Variants in PAK5 observed in about 807,000 individuals in gnomAD.
PAK5 encodes the protein p21 (RAC1) activated kinase 5, also known as serine/threonine-protein kinase PAK 5.
Under a neutral mutation model 65.9 loss-of-function variants are expected in PAK5, and 16 were observed. The observed-to-expected ratio is 0.24, with a 90% CI of 0.16 to 0.37. The LOEUF (loss-of-function observed/expected upper bound fraction) is 0.37, where lower values mean the gene tolerates loss of function less well. Ranked by LOEUF, PAK5 falls within the 10% of genes least tolerant of loss-of-function variation. The probability of loss-of-function intolerance (pLI) is 1.00; values close to 1 mark genes in which losing one functional copy is unlikely to be tolerated. For synonymous variants in PAK5, 371 were observed against 354.9 expected (o/e 1.05, Z -0.51); for missense variants, 785 against 903.9 (o/e 0.87, Z 1.69).
At chr20:9,827,025 T>C (rs1324577772) in intron 1 of PAK5, among the ~76,000 whole-genome samples, 2 of 142,390 alleles carry the variant, frequency 1.4e-5, no homozygotes, top group East Asian at 2.0e-4. Context: ...CTCTACCTTA[T>C]ACCCATGTCC....
chr20:9,818,235 G>A (rs1019671135), intron 1 of PAK5, among the ~76,000 whole-genome samples: 1 of 152,032 alleles, frequency 6.6e-6, no homozygotes, highest in Non-Finnish European at 1.5e-5. Flanking sequence ...TGATCATGCT[G>A]GACTGTCTTA....
rs530216866 is a variant in PAK5, at chr20:9,769,880, A to G, written c.-161-58445T>C. Among the ~76,000 whole-genome samples the G allele has an allele frequency of 1.8e-4, 27 of 152,360 alleles. No homozygotes were observed. The Middle Eastern group carries it at 0.014, about 77-fold the overall frequency. ...TATTTATAGAGAAAGGAGCTCTTTA[A>G]AAACTAAATATGGTACAAAGAAATT... On this transcript the variant is annotated intron_variant, in intron 1 of 9. Transcript: ENST00000353224.
intron 1 of PAK5, among the ~76,000 whole-genome samples, chr20:9,722,794 C>T (rs982077910): frequency 4.2e-4 from 63 of 150,966 alleles, no homozygotes; most frequent in Admixed American, 5.3e-4. Context: ...TGGAGTGCAG[C>T]GGCGCCATCT....
chr20:9,724,907 T>A (rs1010301908), intron 1 of PAK5, among the ~76,000 whole-genome samples: 6 of 152,184 alleles, frequency 3.9e-5, no homozygotes, highest in Admixed American at 1.3e-4. Context: ...ATAACTGGAT[T>A]GTTCGAAACA....
chr20:9,581,135 T>C (rs1603229128), intron 3 of PAK5, among the ~76,000 whole-genome samples: 1 of 152,172 alleles, frequency 6.6e-6, no homozygotes, highest in African/African-American at 2.4e-5. Context: ...ATTGCATTTT[T>C]CTTCTTACCT....
intron 3 of PAK5, among the ~76,000 whole-genome samples, chr20:9,635,936 G>C (rs543206930): frequency 2.0e-5 from 3 of 152,138 alleles, no homozygotes; most frequent in Non-Finnish European, 4.4e-5. Context: ...ACTCAGCTAG[G>C]AGCATGGCAA....
rs111520029 is a variant in PAK5 at position 9,636,889 on chromosome 20, T to C, written c.204+7236A>G. Among the ~76,000 whole-genome samples, 1,505 of 152,314 alleles carry C rather than the reference T, an allele frequency of 9.9e-3. 23 individuals are homozygous for C. The highest frequency in any genetic ancestry group is 0.034 in the African/African-American group (1,407 of 41,566). ...ACATTTAATATAAGTTCCAAGATAG[T>C]GGTTCTCAAACTTTTTGTCTCAGGA... On this transcript the variant is annotated intron_variant, in intron 3 of 9. Transcript: ENST00000353224.
intron 1 of PAK5, among the ~76,000 whole-genome samples, chr20:9,725,324 G>A (rs2123533723): frequency 7.6e-6 from 1 of 132,012 alleles, no homozygotes. Flanking sequence ...ATGTTTTGAA[G>A]GTTATTATTA....
intron 1 of PAK5, among the ~76,000 whole-genome samples, chr20:9,801,302 T>C (rs2049165747): frequency 6.6e-6 from 1 of 152,066 alleles, no homozygotes; most frequent in African/African-American, 2.4e-5. Context: ...CACACACAGC[T>C]AATTCCTTCA....
chr20:9,732,763 T>C (rs1260670219), intron 1 of PAK5, among the ~76,000 whole-genome samples: 5 of 152,204 alleles, frequency 3.3e-5, no homozygotes, highest in Admixed American at 3.3e-4. Flanking sequence ...CACTCCATCC[T>C]CTTCAATCAT....
At position 9,586,703 on chromosome 20, in the gene PAK5, C is replaced by T. The variant is rs373905129; in HGVS notation, c.205-5773G>A. On this transcript the variant is annotated intron_variant, in intron 3 of 9. Transcript: ENST00000353224. The stretch of plus-strand genomic sequence containing the variant: ...TTTGTCTCCCAAGTGTGTTCATTAA[C>T]ATTTCTATAGGAGATTAGAGGGTCA... 1.8e-4 allele frequency among the ~76,000 whole-genome samples: 27 copies of T among 152,218 alleles called. No individual in the cohort carries two copies. The East Asian group carries it at 5.2e-3, about 29-fold the overall frequency.
chr20:9,708,999 AT>A (rs1555915397), intron 2 of PAK5, among the ~76,000 whole-genome samples: 2 of 151,486 alleles, frequency 1.3e-5, no homozygotes, highest in Non-Finnish European at 1.5e-5. Context: ...ACACCACTCC[AT>A]TTTTTTTGTT....
At chr20:9,698,096 C>A (rs1420677013) in intron 2 of PAK5, among the ~76,000 whole-genome samples, 1 of 152,054 alleles carries the variant, frequency 6.6e-6, no homozygotes, top group Non-Finnish European at 1.5e-5. Flanking sequence ...GATAGCATTA[C>A]AAGTGGGAGA....
chr20:9,711,205 G>A (rs549369688), intron 2 of PAK5, 81 bp downstream of exon 2: 33 of 152,006 alleles, frequency 2.2e-4, no homozygotes, highest in Admixed American at 4.6e-4. Flanking sequence ...ATCAATACAT[G>A]CATGTTTCTG....
intron 1 of PAK5, among the ~76,000 whole-genome samples, chr20:9,834,471 A>AT (rs1191027585): frequency 6.6e-6 from 1 of 152,164 alleles, no homozygotes; most frequent in African/African-American, 2.4e-5. Context: ...TTCTCTCCTA[A>AT]TTTACCTCCA....
intron 4 of PAK5, 73 bp downstream of exon 4, chr20:9,580,072 T>C: frequency 1.5e-6 from 2 of 1,290,798 alleles, no homozygotes; most frequent in African/African-American, 1.5e-5. Context: ...TCCAATCGTA[T>C]AAAAAGGTCG....
intron 1 of PAK5, among the ~76,000 whole-genome samples, chr20:9,730,735 T>C (rs759481343): frequency 2.0e-5 from 3 of 152,192 alleles, no homozygotes; most frequent in Non-Finnish European, 4.4e-5. Flanking sequence ...CAACCACTAT[T>C]AGCCCAAGCA....
intron 1 of PAK5, among the ~76,000 whole-genome samples, chr20:9,801,736 A>G (rs1203587352): frequency 3.9e-5 from 6 of 152,260 alleles, no homozygotes; most frequent in Middle Eastern, 3.4e-3. Flanking sequence ...ACATTTCAGT[A>G]TATAAAAATT....
intron 2 of PAK5, among the ~76,000 whole-genome samples, chr20:9,671,671 TG>T (rs1279355357): frequency 6.8e-6 from 1 of 146,438 alleles, no homozygotes; most frequent in African/African-American, 2.4e-5. Flanking sequence ...AAGGAGATTT[TG>T]GGCTGAGACA....
Sources: allele counts gnomAD v4.1 joint callset (sites outside exome capture counted in the v4.1 genomes callset), GRCh38; gene constraint gnomAD v4.1.1; transcripts MANE v1.5; gene names NCBI Gene and HGNC (gene_info 2026-07-23, HGNC 2026-07-21).